ABLIM2: variants seen among roughly 807,000 people sequenced by gnomAD.
The protein encoded by ABLIM2 is actin-binding LIM protein 2.
A neutral mutation model predicts 97.7 loss-of-function variants in ABLIM2; 53 were observed. The ratio of observed to expected loss-of-function variants is 0.54; its 90% confidence interval spans 0.44 to 0.68. The LOEUF (loss-of-function observed/expected upper bound fraction) is 0.68. ABLIM2 is among the 30% of genes least tolerant of loss of function. ABLIM2 has a pLI of 0.00. For synonymous variants in ABLIM2, 361 were observed against 345.8 expected (o/e 1.04, Z -0.49); for missense variants, 835 against 867.2 (o/e 0.96, Z 0.47).
chr4:8,089,682 C>T (rs971258361), intron 3 of ABLIM2, among the ~76,000 whole-genome samples: 22 of 134,400 alleles, frequency 1.6e-4, no homozygotes, highest in East Asian at 1.4e-3. Flanking sequence ...TGCAGTGAGC[C>T]GAGATTGCAC....
intron 1 of ABLIM2, among the ~76,000 whole-genome samples, chr4:8,135,860 G>A (rs1850122509): frequency 6.6e-6 from 1 of 152,230 alleles, no homozygotes; most frequent in Non-Finnish European, 1.5e-5. Flanking sequence ...TTCACAGGTG[G>A]TGAAGAGCCA....
intron 1 of ABLIM2, among the ~76,000 whole-genome samples, chr4:8,126,838 G>A (rs979170812): frequency 6.6e-6 from 1 of 152,050 alleles, no homozygotes; most frequent in African/African-American, 2.4e-5. Flanking sequence ...GGCTGAGATG[G>A]GAGAACTGCT....
At chr4:8,141,479 C>T (rs1351179920) in intron 1 of ABLIM2, among the ~76,000 whole-genome samples, 3 of 152,228 alleles carry the variant, frequency 2.0e-5, no homozygotes, top group African/African-American at 7.2e-5. Flanking sequence ...CATGCACCAA[C>T]ATTTGAATAA....
intron 9 of ABLIM2, among the ~76,000 whole-genome samples, chr4:8,039,473 C>T (rs1337893320): frequency 6.6e-6 from 1 of 152,206 alleles, no homozygotes; most frequent in Non-Finnish European, 1.5e-5. Context: ...TGCAGATCCA[C>T]TTTCCCCCAT....
At chr4:8,088,805 T>C (rs896771315) in intron 3 of ABLIM2, among the ~76,000 whole-genome samples, 5 of 152,176 alleles carry the variant, frequency 3.3e-5, no homozygotes, top group Admixed American at 6.5e-5. Context: ...TCATGTTTTC[T>C]CTATAGGTGA....
In ABLIM2 at chr4:7,996,655, C is replaced by T. The variant is rs1457527133; in HGVS notation, c.1619-3728G>A. On this transcript the variant is annotated intron_variant, in intron 16 of 20. Transcript: ENST00000447017. This position sits in a 1 kb window ranked among gnomAD's most constrained non-coding sequence, Gnocchi z 4.5. The stretch of plus-strand genomic sequence containing the variant: ...GTTTTGTCCCCGGTTTTACCTATTC[C>T]GACGTTCTTCTTTCCTTTCTGAAGT... 6.6e-6 allele frequency among the ~76,000 whole-genome samples: 1 copy of T among 152,190 alleles called. No homozygotes were observed. The highest frequency in any genetic ancestry group is 1.5e-5 in the Non-Finnish European group (1 of 68,032).
intron 14 of ABLIM2, among the ~76,000 whole-genome samples, chr4:8,011,416 A>G (rs921616300): frequency 1.3e-5 from 2 of 152,242 alleles, no homozygotes; most frequent in East Asian, 1.9e-4. Context: ...GAGCTTGGGT[A>G]GGAAAAGACA....
At position 8,147,387 on chromosome 4, in the gene ABLIM2, C is replaced by T. The variant is rs11947377; in HGVS notation, c.10+11293G>A. On this transcript the variant is annotated intron_variant, in intron 1 of 20. Transcript: ENST00000447017. This position sits in a 1 kb window ranked among gnomAD's most constrained non-coding sequence, Gnocchi z 5.3. ...CCTGTGCCCGGCTGAGTAATGCCTCCCCCAGAAGATATCCCCATCTAATCG... is the reference window on the plus strand; with the variant it reads ...CCTGTGCCCGGCTGAGTAATGCCTCTCCCAGAAGATATCCCCATCTAATCG... Among the ~76,000 whole-genome samples the T allele has an allele frequency of 0.064, 9,691 of 152,192 alleles. 340 individuals carry two copies. Among genetic ancestry groups the T allele is most frequent in the South Asian group, 0.11 (517 of 4,810 alleles).
At chr4:8,040,039 A>G (rs569207044) in intron 9 of ABLIM2, among the ~76,000 whole-genome samples, 208 of 152,300 alleles carry the variant, frequency 1.4e-3, no homozygotes, top group African/African-American at 4.7e-3. Flanking sequence ...CTGCCCGCCA[A>G]GCCCTCACGG....
intron 2 of ABLIM2, 89 bp downstream of exon 2, chr4:8,106,405 A>C: frequency 2.0e-6 from 3 of 1,527,994 alleles, no homozygotes; most frequent in Non-Finnish European, 2.7e-6. Flanking sequence ...AGGCCCAGGC[A>C]GAGCTTCCCA....
At chr4:8,126,098 C>T (rs917309241) in intron 1 of ABLIM2, among the ~76,000 whole-genome samples, 12 of 152,216 alleles carry the variant, frequency 7.9e-5, no homozygotes, top group Non-Finnish European at 1.6e-4. Flanking sequence ...GCCACTGTCA[C>T]TGCCTGAGCC....
rs1048956056 is a variant in ABLIM2, at chr4:8,019,035, G to A, written c.1423+583C>T. ...ATGTGGCCCCGATTCCTGCTCCATG[G>A]CCCACGCAAGCTGCTCCCTGCGCAC... On this transcript the variant is annotated intron_variant, in intron 14 of 20. Transcript: ENST00000447017. This position sits in a 1 kb window ranked among gnomAD's most constrained non-coding sequence, Gnocchi z 4.3. Among the ~76,000 whole-genome samples, 1 of 152,130 alleles carries A rather than the reference G, an allele frequency of 6.6e-6. No individual in the cohort carries two copies. Among genetic ancestry groups the A allele is most frequent in the Admixed American group, 6.5e-5 (1 of 15,270 alleles).
At position 8,061,383 on chromosome 4, in the gene ABLIM2, T is replaced by C. The variant is rs1483254434; in HGVS notation, c.676-329A>G. On this transcript the variant is annotated intron_variant, in intron 6 of 20. Transcript: ENST00000447017. This position sits in a 1 kb window ranked among gnomAD's most constrained non-coding sequence, Gnocchi z 4.5. Reference sequence around the variant, plus strand: ...CGGCATCCAGAGAGAGGTCTTGGTATTTCCAGAGGGAGCGGGAGGGACAGG... The same window carrying C: ...CGGCATCCAGAGAGAGGTCTTGGTACTTCCAGAGGGAGCGGGAGGGACAGG... Among the ~76,000 whole-genome samples the C allele has an allele frequency of 2.0e-5, 3 of 151,902 alleles. No individual in the cohort carries two copies. Among genetic ancestry groups the C allele is most frequent in the Non-Finnish European group, 4.4e-5 (3 of 67,954 alleles).
chr4:8,057,229 G>C lies in ABLIM2; in HGVS notation c.764-2983C>G, dbSNP rs181827323. On this transcript the variant is annotated intron_variant, in intron 7 of 20. Transcript: ENST00000447017. ...CTCTCATGCCTCAGCCTTCTGAGTAGCTGGGATTACAGGCATGCGCCACCA... is the reference window on the plus strand; with the variant it reads ...CTCTCATGCCTCAGCCTTCTGAGTACCTGGGATTACAGGCATGCGCCACCA... 4.6e-3 allele frequency among the ~76,000 whole-genome samples: 695 copies of C among 151,874 alleles called. 1 individual carries two copies. Among genetic ancestry groups the C allele is most frequent in the Middle Eastern group, 0.014 (4 of 292 alleles).
At chr4:7,993,018 C>A (rs1463133261) in intron 16 of ABLIM2, 91 bp from the exon 17 acceptor site, 2 of 1,339,384 alleles carry the variant, frequency 1.5e-6, no homozygotes, top group Non-Finnish European at 2.1e-6. Context: ...CCGGGGTGGG[C>A]AAGGCTGGGC....
At position 8,150,767 on chromosome 4, in the gene ABLIM2, G is replaced by A. The variant is rs1034907417; in HGVS notation, c.10+7913C>T. On this transcript the variant is annotated intron_variant, in intron 1 of 20. Coordinates refer to ENST00000447017, the MANE Select transcript of ABLIM2 (RefSeq NM_001130083.2). This position sits in a 1 kb window ranked among gnomAD's most constrained non-coding sequence, Gnocchi z 6.3. The stretch of plus-strand genomic sequence containing the variant: ...GGAGCTGGGTGGCTCTCTGGAGACG[G>A]TGCTTCTCCTGGCACTGGGCTGCAG... Among the ~76,000 whole-genome samples the A allele has an allele frequency of 1.1e-4, 17 of 152,176 alleles. No homozygotes were observed. The highest frequency in any genetic ancestry group is 3.9e-4 in the African/African-American group (16 of 41,442).
chr4:8,119,253 G>C (rs1037076334), intron 1 of ABLIM2, among the ~76,000 whole-genome samples: 4 of 152,126 alleles, frequency 2.6e-5, no homozygotes, highest in African/African-American at 9.6e-5. Context: ...TGCTGGGTAT[G>C]GAAGGATCTA....
chr4:8,078,856 G>T (rs556934896), intron 5 of ABLIM2, among the ~76,000 whole-genome samples: 2 of 152,240 alleles, frequency 1.3e-5, no homozygotes, highest in Non-Finnish European at 2.9e-5. Flanking sequence ...GACCCAGCAC[G>T]TGTGGGGGTG....
chr4:8,022,059 G>A lies in ABLIM2; in HGVS notation c.1268-1756C>T, dbSNP rs1472076807. Among the ~76,000 whole-genome samples, 3 of 152,136 alleles carry A rather than the reference G, an allele frequency of 2.0e-5. No individual in the cohort carries two copies. The highest frequency in any genetic ancestry group is 1.9e-4 in the East Asian group (1 of 5,188). On this transcript the variant is annotated intron_variant, in intron 12 of 20. Transcript: ENST00000447017. This position sits in a 1 kb window ranked among gnomAD's most constrained non-coding sequence, Gnocchi z 7.8. ...CTCACGTGCCCGGAAAGGACACCGC[G>A]GATCCCTCCTACCGACTACGGCTGT...
Sources: gnomAD v4.1 joint callset for allele counts (sites outside exome capture counted in the v4.1 genomes callset) on GRCh38, gnomAD v4.1.1 for gene constraint, Gnocchi (gnomAD v3.1) non-coding constraint, MANE v1.5 for transcripts, NCBI Gene and HGNC (gene_info 2026-07-23, HGNC 2026-07-21) for gene names.